CSMD1: variants seen among roughly 807,000 people sequenced by gnomAD.
The protein encoded by CSMD1 is CUB and Sushi multiple domains 1.
Under a neutral mutation model 417.5 loss-of-function variants are expected in CSMD1, and 213 were observed. The observed-to-expected ratio is 0.51, with a 90% confidence interval of 0.46 to 0.57. The LOEUF (loss-of-function observed/expected upper bound fraction) is 0.57, where lower values mean the gene tolerates loss of function less well. Ranked by LOEUF, CSMD1 falls within the 20% of genes least tolerant of loss-of-function variation. CSMD1 has a pLI of 0.00. For missense variants in CSMD1, 6,923 were observed against 4,529.7 expected (o/e 1.53, Z -15.17); for synonymous variants, 2,862 against 1,736.8 (o/e 1.65, Z -16.11).
intron 1 of CSMD1, among the ~76,000 whole-genome samples, chr8:4,966,470 C>G (rs574754726): frequency 2.0e-5 from 3 of 152,132 alleles, no homozygotes; most frequent in African/African-American, 4.8e-5. Flanking sequence ...ACCATCACTT[C>G]CAGATCTCAA....
At chr8:4,402,942 C>G (rs966776392) in intron 3 of CSMD1, among the ~76,000 whole-genome samples, 1 of 150,716 alleles carries the variant, frequency 6.6e-6, no homozygotes, top group Non-Finnish European at 1.5e-5. Flanking sequence ...GTCTTAGCCT[C>G]CTGAGTAGCT....
At chr8:3,084,569 A>G (rs1814384017) in intron 49 of CSMD1, among the ~76,000 whole-genome samples, 1 of 151,988 alleles carries the variant, frequency 6.6e-6, no homozygotes, top group Middle Eastern at 3.4e-3. Context: ...TAACAAAAGG[A>G]AAGTGTGTAA....
At chr8:4,422,479 A>G (rs143142525) in intron 2 of CSMD1, among the ~76,000 whole-genome samples, 2 of 152,190 alleles carry the variant, frequency 1.3e-5, no homozygotes, top group East Asian at 3.9e-4. Context: ...AAGAAAAGAG[A>G]AGGATTCCTT....
Position 4,465,382 on chromosome 8 carries a change from A to C in CSMD1, c.303-45317T>G, listed in dbSNP as rs577326284. Among the ~76,000 whole-genome samples the C allele has an allele frequency of 7.9e-5, 12 of 152,286 alleles. No individual in the cohort carries two copies. In the South Asian group the frequency reaches 2.5e-3, roughly 32 times the overall value. Reference sequence around the variant, plus strand: ...GTCTACTAAAGATAAATGAGAAAACATGGTTTGAAAGTCTATTTCATCATG... The same window carrying C: ...GTCTACTAAAGATAAATGAGAAAACCTGGTTTGAAAGTCTATTTCATCATG... On this transcript the variant is annotated intron_variant, in intron 2 of 69. Coordinates refer to ENST00000635120, the MANE Select transcript of CSMD1 (RefSeq NM_033225.6).
At chr8:4,328,318 A>G (rs1799674707) in intron 3 of CSMD1, among the ~76,000 whole-genome samples, 1 of 150,776 alleles carries the variant, frequency 6.6e-6, no homozygotes, top group Non-Finnish European at 1.5e-5. Context: ...GACTCAGTTA[A>G]GTCAACTGTG....
At chr8:3,092,617 G>A (rs1242669289) in intron 47 of CSMD1, among the ~76,000 whole-genome samples, 1 of 152,110 alleles carries the variant, frequency 6.6e-6, no homozygotes, top group Non-Finnish European at 1.5e-5. Context: ...TTTTTCACCT[G>A]TCTATGGTAT....
At chr8:3,037,731 T>C (rs894884142) in intron 50 of CSMD1, among the ~76,000 whole-genome samples, 4 of 152,230 alleles carry the variant, frequency 2.6e-5, no homozygotes, top group African/African-American at 4.8e-5. Flanking sequence ...ATGAGTTATC[T>C]AGAATAAGAG....
rs533998669 is a variant in CSMD1 at position 3,336,690 on chromosome 8, CTG to C, written c.3631+6602_3631+6603del. Among the ~76,000 whole-genome samples, 7 of 152,300 alleles carry C rather than the reference CTG, an allele frequency of 4.6e-5. No homozygotes were observed. The South Asian group carries it at 1.5e-3, about 32-fold the overall frequency. ...CCCATCCAGACAGAGGACCCAGAGA[CTG>C]TTCCCGATGTGGGCGAGAGCCCTGC... On this transcript the variant is annotated intron_variant, in intron 23 of 69. Coordinates refer to ENST00000635120, the MANE Select transcript of CSMD1 (RefSeq NM_033225.6).
In CSMD1 at chr8:3,284,297, C is replaced by G; in HGVS notation, c.4000G>C (p.Val1334Leu). Residue 1334 changes from valine (V) to leucine (L), a missense_variant, in exon 26 of 70, where the codon GTC (valine) becomes CTC (leucine). Coordinates refer to ENST00000635120, the MANE Select transcript of CSMD1 (RefSeq NM_033225.6). The stretch of plus-strand genomic sequence containing the variant: ...TCACTGTCCACCGGCCCGTCCCAGA[C>G]CTTGAGGATGTCGTGAGCCATCTCC... ...DTEMAHDILK[V>L]WDGPVDSDIL... The G allele has an allele frequency of 6.2e-7, 1 of 1,613,946 alleles. No individual in the cohort carries two copies. The highest frequency in any genetic ancestry group is 8.5e-7 in the Non-Finnish European group (1 of 1,179,862).
At chr8:3,709,002 G>C (rs939530437) in intron 6 of CSMD1, among the ~76,000 whole-genome samples, 1 of 152,178 alleles carries the variant, frequency 6.6e-6, no homozygotes, top group African/African-American at 2.4e-5. Context: ...TCTACGTGCT[G>C]TAGATAAAGT....
intron 3 of CSMD1, among the ~76,000 whole-genome samples, chr8:4,169,442 G>C (rs957628167): frequency 6.6e-6 from 1 of 152,038 alleles, no homozygotes; most frequent in East Asian, 1.9e-4. Flanking sequence ...TAATCTTTCA[G>C]CTAGTTTTCT....
chr8:3,609,355 T>A (rs1462253089), intron 8 of CSMD1, among the ~76,000 whole-genome samples: 3 of 152,252 alleles, frequency 2.0e-5, no homozygotes, highest in African/African-American at 7.2e-5. Flanking sequence ...AAATATTCAA[T>A]TGTGATGAAT....
rs536421212 is a variant in CSMD1, at chr8:4,621,555, T to C, written c.302+15787A>G. On this transcript the variant is annotated intron_variant, in intron 2 of 69. Transcript: ENST00000635120. The stretch of plus-strand genomic sequence containing the variant: ...AATCTAGAATATACATTGAATTTTT[T>C]ATTTAAGATTTCTAAAAGAAAACTC... Among the ~76,000 whole-genome samples the C allele has an allele frequency of 3.0e-3, 460 of 152,258 alleles. 2 individuals carry two copies. Among genetic ancestry groups the C allele is most frequent in the African/African-American group, 0.011 (444 of 41,568 alleles).
intron 26 of CSMD1, among the ~76,000 whole-genome samples, chr8:3,259,879 A>C (rs1353826800): frequency 6.6e-6 from 1 of 152,106 alleles, no homozygotes. Context: ...ATATTAATTT[A>C]TGACACATGA....
intron 3 of CSMD1, among the ~76,000 whole-genome samples, chr8:4,417,340 C>G (rs961081053): frequency 2.0e-5 from 3 of 151,852 alleles, no homozygotes; most frequent in South Asian, 2.1e-4. Context: ...AAGCCTATTC[C>G]AAAGTACTGC....
intron 7 of CSMD1, among the ~76,000 whole-genome samples, chr8:3,630,254 A>G (rs1004840465): frequency 1.3e-5 from 2 of 152,172 alleles, no homozygotes; most frequent in African/African-American, 2.4e-5. Context: ...ATAGGGTCAC[A>G]GTTGGACTCT....
At chr8:3,118,313 A>C in intron 42 of CSMD1, 86 bp downstream of exon 42, 1 of 922,342 alleles carries the variant, frequency 1.1e-6, no homozygotes, top group Admixed American at 2.7e-5. Flanking sequence ...TACATTAATA[A>C]ATTACTGGAT....
intron 26 of CSMD1, among the ~76,000 whole-genome samples, chr8:3,232,245 T>C (rs1335486534): frequency 6.6e-6 from 1 of 152,218 alleles, no homozygotes; most frequent in African/African-American, 2.4e-5. Flanking sequence ...TAGCCACATA[T>C]ATCAGTTTCC....
rs765219924 is a variant in CSMD1 at position 3,187,963 on chromosome 8, G to C, written c.5526C>G (p.Ile1842Met). 1.2e-6 allele frequency: 2 copies of C among 1,611,522 alleles called. No homozygotes were observed. Among genetic ancestry groups the C allele is most frequent in the Non-Finnish European group, 1.7e-6 (2 of 1,178,902 alleles). Residue 1842 changes from isoleucine (I) to methionine (M), a missense_variant and splice_region_variant, in exon 36 of 70, where the codon ATC becomes ATG. Ile to Met is a conservative substitution (Grantham distance 10). Transcript: ENST00000635120. ...GCTCCGTGGCAAAACTGATCACTTG[G>C]ATCTACCAAACCATGACATTAAGTT... ...IIVTEGSGIQ[I>M]QVISFATEQN...
Sources: gnomAD v4.1 joint callset for allele counts (sites outside exome capture counted in the v4.1 genomes callset) on GRCh38, gnomAD v4.1.1 for gene constraint, MANE v1.5 for transcripts, NCBI Gene and HGNC (gene_info 2026-07-23, HGNC 2026-07-21) for gene names.